Variants in CAMTA1 observed in about 807,000 individuals in gnomAD.
The protein encoded by CAMTA1 is calmodulin-binding transcription activator 1.
In CAMTA1, 27 loss-of-function variants were observed where a neutral mutation model predicts 170.9. That is an observed-to-expected ratio of 0.16 (90% CI 0.12 to 0.22). The LOEUF is 0.22. CAMTA1 is among the 10% of genes least tolerant of loss of function. The pLI is 1.00. For synonymous variants in CAMTA1, 833 were observed against 891.5 expected (o/e 0.93, Z 1.17); for missense variants, 1,619 against 2,217.2 (o/e 0.73, Z 5.42).
At chr1:7,414,435 A>G (rs1340467439) in intron 5 of CAMTA1, among the ~76,000 whole-genome samples, 1 of 152,054 alleles carries the variant, frequency 6.6e-6, no homozygotes, top group Non-Finnish European at 1.5e-5. Flanking sequence ...ACAATTTCAG[A>G]GCCTGTTATT....
intron 6 of CAMTA1, among the ~76,000 whole-genome samples, chr1:7,530,017 G>A (rs1186705353): frequency 6.6e-6 from 1 of 152,176 alleles, no homozygotes; most frequent in Non-Finnish European, 1.5e-5. Context: ...GAGCTGAGTG[G>A]GGTCTCTCTG....
chr1:6,945,908 G>A (rs770610862), intron 3 of CAMTA1, among the ~76,000 whole-genome samples: 5 of 152,082 alleles, frequency 3.3e-5, no homozygotes, highest in African/African-American at 1.2e-4. Flanking sequence ...TTCGTTAGTC[G>A]ACGGACAATA....
intron 1 of CAMTA1, among the ~76,000 whole-genome samples, chr1:6,799,460 G>A (rs969680896): frequency 1.1e-4 from 17 of 152,296 alleles, no homozygotes; most frequent in African/African-American, 3.4e-4. Flanking sequence ...CCACTTAGGT[G>A]GACCAGGAGC....
chr1:7,396,598 T>C (rs1217168602), intron 5 of CAMTA1, among the ~76,000 whole-genome samples: 1 of 152,220 alleles, frequency 6.6e-6, no homozygotes, highest in Non-Finnish European at 1.5e-5. Flanking sequence ...AAGCATTTAA[T>C]TTTTTCCAGT....
In CAMTA1 at chr1:7,745,908, C is replaced by T. The variant is rs1396151113; in HGVS notation, c.4434C>T (p.Pro1478=). ...CCAGCTTGAGCCCTGTTGGCTCTCCCGTCAGTGAAATCGCTTTCGAGAAAC... is the reference window on the plus strand; with the variant it reads ...CCAGCTTGAGCCCTGTTGGCTCTCCTGTCAGTGAAATCGCTTTCGAGAAAC... ...SNTSLSPVGS[P]VSEIAFEKPN... Residue 1478 remains proline, a synonymous_variant, in exon 18 of 23, where the codon CCC becomes CCT. Transcript: ENST00000303635. The T allele has an allele frequency of 9.3e-6, 15 of 1,614,066 alleles. No individual in the cohort carries two copies. Among genetic ancestry groups the T allele is most frequent in the Middle Eastern group, 1.6e-4 (1 of 6,084 alleles).
At chr1:7,553,283 A>G (rs1326918452) in intron 6 of CAMTA1, among the ~76,000 whole-genome samples, 1 of 139,694 alleles carries the variant, frequency 7.2e-6, no homozygotes, top group Non-Finnish European at 1.6e-5. Context: ...GAGTGAGTGA[A>G]TGAATGAGTG....
chr1:7,037,049 G>C (rs146194118), intron 3 of CAMTA1, among the ~76,000 whole-genome samples: 1 of 152,160 alleles, frequency 6.6e-6, no homozygotes, highest in African/African-American at 2.4e-5. Context: ...TAAAACAAAA[G>C]AACCTTTTGA....
rs369674388 is a variant in CAMTA1, at chr1:7,732,548, C to T, written c.3015C>T (p.Gly1005=). Residue 1005 remains glycine (G), a synonymous_variant, in exon 12 of 23, where the codon GGC becomes GGT. Coordinates refer to ENST00000303635, the MANE Select transcript of CAMTA1 (RefSeq NM_015215.4). This position sits in a 1 kb window ranked among gnomAD's most constrained non-coding sequence, Gnocchi z 4.1. ...GSQQHKQASG[G]GSSGGGSGSG... ...AGCAGCACAAACAGGCGAGCGGAGGCGGCAGCAGTGGAGGCGGCAGCGGGA... is the reference window on the plus strand; with the variant it reads ...AGCAGCACAAACAGGCGAGCGGAGGTGGCAGCAGTGGAGGCGGCAGCGGGA... 8.7e-6 allele frequency: 14 copies of T among 1,613,120 alleles called. No homozygotes were observed. Among genetic ancestry groups the T allele is most frequent in the Non-Finnish European group, 1.1e-5 (13 of 1,179,864 alleles).
intron 4 of CAMTA1, among the ~76,000 whole-genome samples, chr1:7,203,513 C>T (rs1298175974): frequency 6.8e-6 from 1 of 146,652 alleles, no homozygotes; most frequent in Non-Finnish European, 1.5e-5. Context: ...TTTTAAATTG[C>T]CTATTCAGTC....
chr1:6,875,433 C>T (rs919097752), intron 3 of CAMTA1, among the ~76,000 whole-genome samples: 2 of 152,104 alleles, frequency 1.3e-5, no homozygotes, highest in Non-Finnish European at 2.9e-5. Context: ...CAGGCGCCCG[C>T]GACCACACCT....
intron 5 of CAMTA1, among the ~76,000 whole-genome samples, chr1:7,415,167 C>T (rs1256484030): frequency 6.6e-6 from 1 of 151,834 alleles, no homozygotes; most frequent in Non-Finnish European, 1.5e-5. Context: ...CTGAGGAGTG[C>T]TTTACTTCCA....
intron 6 of CAMTA1, among the ~76,000 whole-genome samples, chr1:7,551,612 T>A (rs2094804255): frequency 6.6e-6 from 1 of 152,196 alleles, no homozygotes; most frequent in Admixed American, 6.5e-5. Flanking sequence ...TGAAGCTTCC[T>A]GACACTCCAG....
intron 6 of CAMTA1, among the ~76,000 whole-genome samples, chr1:7,603,145 A>C (rs1040649901): frequency 3.3e-5 from 5 of 152,236 alleles, no homozygotes; most frequent in Non-Finnish European, 1.5e-5. Context: ...GGTGCTGAAA[A>C]GAATGTATAT....
chr1:7,599,312 T>C (rs906161044), intron 6 of CAMTA1, among the ~76,000 whole-genome samples: 3 of 152,244 alleles, frequency 2.0e-5, no homozygotes, highest in African/African-American at 7.2e-5. Context: ...TCTGTTTTGG[T>C]ACCAGTACCA....
chr1:7,526,416 G>T (rs2094432662), intron 6 of CAMTA1, among the ~76,000 whole-genome samples: 1 of 152,060 alleles, frequency 6.6e-6, no homozygotes, highest in Non-Finnish European at 1.5e-5. Flanking sequence ...TGCACGGACT[G>T]GACAGAGGCT....
At chr1:6,821,608 T>C (rs1434939421) in intron 2 of CAMTA1, among the ~76,000 whole-genome samples, 2 of 152,154 alleles carry the variant, frequency 1.3e-5, no homozygotes, top group Non-Finnish European at 2.9e-5. Flanking sequence ...CGTAATCAAC[T>C]TGAATGAATA....
rs1478055793 is a variant in CAMTA1, at chr1:7,634,557, A to C, written c.511-5843A>C. ...GGGTGTGAGGTCAGGACACTGGATG[A>C]GGCCACTAAGGAGGGAGAGAGGGAA... is the stretch of plus-strand genomic sequence containing the variant. On this transcript the variant is annotated intron_variant, in intron 6 of 22. Coordinates refer to ENST00000303635, the MANE Select transcript of CAMTA1 (RefSeq NM_015215.4). This position sits in a 1 kb window ranked among gnomAD's most constrained non-coding sequence, Gnocchi z 6.2. 6.6e-6 allele frequency among the ~76,000 whole-genome samples: 1 copy of C among 152,002 alleles called. No individual in the cohort carries two copies. The highest frequency in any genetic ancestry group is 1.9e-4 in the East Asian group (1 of 5,168).
At chr1:7,369,210 G>A (rs1461456139) in intron 5 of CAMTA1, 4 of 152,220 alleles carry the variant, frequency 2.6e-5, no homozygotes, top group Admixed American at 6.5e-5. Context: ...ACCAATGCAG[G>A]AAGCTCTCTG....
intron 5 of CAMTA1, among the ~76,000 whole-genome samples, chr1:7,419,826 C>T (rs2091441036): frequency 1.3e-5 from 2 of 152,104 alleles, no homozygotes; most frequent in African/African-American, 2.4e-5. Flanking sequence ...ATCCATGGCC[C>T]ACCCCATTCT....
Sources: allele counts gnomAD v4.1 joint callset (sites outside exome capture counted in the v4.1 genomes callset), GRCh38; gene constraint gnomAD v4.1.1; non-coding constraint Gnocchi (gnomAD v3.1); transcripts MANE v1.5; gene names NCBI Gene and HGNC (gene_info 2026-07-23, HGNC 2026-07-21).